Variants in MAML2 observed in about 807,000 individuals in gnomAD.
The protein encoded by MAML2 is mastermind like transcriptional coactivator 2.
Under a neutral mutation model 96.1 loss-of-function variants are expected in MAML2, and 22 were observed. The observed-to-expected ratio is 0.23, with a 90% CI of 0.16 to 0.33. MAML2 has a LOEUF of 0.33. MAML2 is among the 10% of genes least tolerant of loss of function. The pLI, the probability that MAML2 is intolerant of heterozygous loss-of-function variation, is 1.00. For missense variants in MAML2, 1,367 were observed against 1,392.4 expected (o/e 0.98, Z 0.29); for synonymous variants, 561 against 521.3 (o/e 1.08, Z -1.04).
At chr11:96,037,182 A>T (rs1253030454) in intron 2 of MAML2, among the ~76,000 whole-genome samples, 2 of 148,586 alleles carry the variant, frequency 1.3e-5, no homozygotes, top group African/African-American at 5.1e-5. Context: ...CTCAGAAAAT[A>T]AAAAATAAAA....
chr11:96,123,771 A>T (rs539760561), intron 1 of MAML2, among the ~76,000 whole-genome samples: 1 of 152,224 alleles, frequency 6.6e-6, no homozygotes, highest in East Asian at 1.9e-4. Flanking sequence ...TCGGCTTCAC[A>T]GACAGAAATT....
intron 1 of MAML2, among the ~76,000 whole-genome samples, chr11:96,192,924 A>G (rs1232288319): frequency 2.6e-5 from 4 of 152,242 alleles, no homozygotes; most frequent in African/African-American, 9.6e-5. Flanking sequence ...CTATTTTAAA[A>G]TCAAAATTCT....
chr11:96,224,322 T>C (rs1331759682), intron 1 of MAML2, among the ~76,000 whole-genome samples: 2 of 152,212 alleles, frequency 1.3e-5, no homozygotes, highest in Admixed American at 6.5e-5. Flanking sequence ...AACTCTCCAC[T>C]GCCCAAGGTG....
At chr11:96,209,017 C>A (rs1017358767) in intron 1 of MAML2, among the ~76,000 whole-genome samples, 1 of 152,080 alleles carries the variant, frequency 6.6e-6, no homozygotes, top group Non-Finnish European at 1.5e-5. Flanking sequence ...CATCAAAGTG[C>A]TTGTTAAAAT....
chr11:96,100,271 T>C (rs1047450495), intron 1 of MAML2, among the ~76,000 whole-genome samples: 1 of 152,112 alleles, frequency 6.6e-6, no homozygotes, highest in African/African-American at 2.4e-5. Context: ...TTGTTTTATG[T>C]TTTAGGGTTT....
At chr11:96,324,405 C>A (rs1333272062) in intron 1 of MAML2, among the ~76,000 whole-genome samples, 1 of 151,944 alleles carries the variant, frequency 6.6e-6, no homozygotes, top group Admixed American at 6.6e-5. Flanking sequence ...TGTGTTGAAC[C>A]AAAAGGATGC....
intron 1 of MAML2, among the ~76,000 whole-genome samples, chr11:96,322,516 C>T (rs1863718853): frequency 6.6e-6 from 1 of 152,106 alleles, no homozygotes; most frequent in Admixed American, 6.5e-5. Flanking sequence ...CACGGTGAAA[C>T]CCCGTCTCTA....
intron 2 of MAML2, among the ~76,000 whole-genome samples, chr11:96,009,417 C>A (rs1858233948): frequency 6.6e-6 from 1 of 152,124 alleles, no homozygotes; most frequent in East Asian, 1.9e-4. Flanking sequence ...GGGTCCTGGT[C>A]ATAAGATAAA....
At chr11:96,203,136 A>G (rs1269029020) in intron 1 of MAML2, among the ~76,000 whole-genome samples, 1 of 152,230 alleles carries the variant, frequency 6.6e-6, no homozygotes, top group Non-Finnish European at 1.5e-5. Context: ...CATTTAATCA[A>G]CAAATACCTA....
intron 1 of MAML2, among the ~76,000 whole-genome samples, chr11:96,321,601 A>T (rs1271077172): frequency 6.6e-6 from 1 of 152,204 alleles, no homozygotes; most frequent in Non-Finnish European, 1.5e-5. Context: ...TCCTAATGGG[A>T]CTAGTAGAGT....
In MAML2 at chr11:96,319,367, G is replaced by A. The variant is rs1246183035; in HGVS notation, c.513+22016C>T. Reference sequence around the variant, plus strand: ...CGCAAAAGTCTGACCCTTAGAAAATGTGTGAAATAATAAATGTTTGCTGCT... The same window carrying A: ...CGCAAAAGTCTGACCCTTAGAAAATATGTGAAATAATAAATGTTTGCTGCT... On this transcript the variant is annotated intron_variant, in intron 1 of 4. Transcript: ENST00000524717. Among the ~76,000 whole-genome samples, 4 of 152,304 alleles carry A rather than the reference G, an allele frequency of 2.6e-5. No individual in the cohort carries two copies. In the East Asian group the frequency reaches 5.8e-4, roughly 22 times the overall value.
chr11:96,081,390 C>T (rs1302912582), intron 2 of MAML2, among the ~76,000 whole-genome samples: 1 of 152,044 alleles, frequency 6.6e-6, no homozygotes, highest in Non-Finnish European at 1.5e-5. Flanking sequence ...TGGTGTCTTT[C>T]CAAAATTCCC....
chr11:96,233,764 G>T (rs960320180), intron 1 of MAML2, among the ~76,000 whole-genome samples: 27 of 152,158 alleles, frequency 1.8e-4, no homozygotes, highest in Non-Finnish European at 3.2e-4. Flanking sequence ...AAAACAAAAT[G>T]ATTTTCTCCT....
chr11:96,163,722 C>A (rs1273622344), intron 1 of MAML2, among the ~76,000 whole-genome samples: 1 of 152,198 alleles, frequency 6.6e-6, no homozygotes, highest in African/African-American at 2.4e-5. Flanking sequence ...CTGGAAGGGT[C>A]CTGAATACCA....
At chr11:96,063,090 A>G (rs989022923) in intron 2 of MAML2, among the ~76,000 whole-genome samples, 6 of 2,130 alleles carry the variant, frequency 2.8e-3, no homozygotes, top group Admixed American at 8.8e-3. Flanking sequence ...CCTCTCTGGC[A>G]CTTTGGTGAT....
intron 1 of MAML2, among the ~76,000 whole-genome samples, chr11:96,282,280 T>TGAC (rs1265218917): frequency 2.0e-5 from 3 of 151,638 alleles, no homozygotes; most frequent in Non-Finnish European, 4.4e-5. Flanking sequence ...ATAATAATAA[T>TGAC]GACTGCATGT....
At chr11:96,240,130 G>A (rs1862412993) in intron 1 of MAML2, among the ~76,000 whole-genome samples, 4 of 152,218 alleles carry the variant, frequency 2.6e-5, no homozygotes, top group Admixed American at 2.6e-4. Flanking sequence ...CTAAGGGTCT[G>A]TGTCTTAGAA....
chr11:96,179,285 A>G (rs1861445873), intron 1 of MAML2, among the ~76,000 whole-genome samples: 1 of 152,250 alleles, frequency 6.6e-6, no homozygotes, highest in African/African-American at 2.4e-5. Flanking sequence ...GAAGGATATG[A>G]ATAGATGTTA....
chr11:96,199,374 A>G (rs535542764), intron 1 of MAML2, among the ~76,000 whole-genome samples: 1 of 152,228 alleles, frequency 6.6e-6, no homozygotes, highest in South Asian at 2.1e-4. Context: ...GATACTGTTA[A>G]GTGTCTCCCT....
Sources: gnomAD v4.1 joint callset for allele counts (sites outside exome capture counted in the v4.1 genomes callset) on GRCh38, gnomAD v4.1.1 for gene constraint, MANE v1.5 for transcripts, NCBI Gene and HGNC (gene_info 2026-07-23, HGNC 2026-07-21) for gene names.